Variants in LRIG1 observed in about 807,000 individuals in gnomAD.
The protein encoded by LRIG1 is leucine-rich repeats and immunoglobulin-like domains protein 1.
In LRIG1, 48 loss-of-function variants were observed where a neutral mutation model predicts 99.2. That is an observed-to-expected ratio of 0.48 (90% CI 0.38 to 0.62). The LOEUF is 0.62. Ranked by LOEUF, LRIG1 falls within the 20% of genes least tolerant of loss-of-function variation. The pLI, the probability that LRIG1 is intolerant of heterozygous loss-of-function variation, is 0.00. For missense variants in LRIG1, 1,646 were observed against 1,434.4 expected (o/e 1.15, Z -2.38); for synonymous variants, 772 against 596.1 (o/e 1.29, Z -4.30).
chr3:66,439,575 T>TTA (rs1553720286), intron 3 of LRIG1, among the ~76,000 whole-genome samples: 140 of 151,016 alleles, frequency 9.3e-4, no homozygotes, highest in Admixed American at 5.3e-4. Flanking sequence ...TTTTTTTTTT[T>TTA]AAAAAGAGCC....
At chr3:66,470,209 T>C (rs550952522) in intron 1 of LRIG1, among the ~76,000 whole-genome samples, 64 of 152,278 alleles carry the variant, frequency 4.2e-4, no homozygotes, top group African/African-American at 1.5e-3. Flanking sequence ...CCACTCCTTA[T>C]TGTCTCACCC....
chr3:66,407,726 A>C (rs908448167), intron 7 of LRIG1, among the ~76,000 whole-genome samples: 9 of 152,244 alleles, frequency 5.9e-5, no homozygotes, highest in African/African-American at 2.2e-4. Flanking sequence ...GAATGGGTGC[A>C]TAGGTCACAG....
At chr3:66,403,926 A>C (rs1444956327) in intron 9 of LRIG1, among the ~76,000 whole-genome samples, 2 of 152,166 alleles carry the variant, frequency 1.3e-5, no homozygotes, top group Non-Finnish European at 2.9e-5. Context: ...TCTTCTTGCT[A>C]AGAAGGCCTC....
chr3:66,412,833 C>G (rs1292610787), intron 6 of LRIG1, 38 bp downstream of exon 6: 2 of 1,611,270 alleles, frequency 1.2e-6, no homozygotes, highest in African/African-American at 2.7e-5. Context: ...CACCGCACAG[C>G]AATCCTTAGC....
intron 3 of LRIG1, among the ~76,000 whole-genome samples, chr3:66,425,501 C>T (rs1387913721): frequency 6.6e-6 from 1 of 152,142 alleles, no homozygotes; most frequent in Non-Finnish European, 1.5e-5. Flanking sequence ...AAAGATCTGC[C>T]ATCGAGGGAG....
intron 1 of LRIG1, among the ~76,000 whole-genome samples, chr3:66,471,482 G>T (rs191213582): frequency 2.4e-4 from 36 of 152,232 alleles, no homozygotes; most frequent in Admixed American, 1.1e-3. Flanking sequence ...GGTGCTCCCT[G>T]CTCCCACTGA....
chr3:66,398,199 C>T lies in LRIG1; in HGVS notation c.1233-16G>A, dbSNP rs748347175. On this transcript the variant is annotated splice_polypyrimidine_tract_variant and intron_variant, in intron 10 of 18. Transcript: ENST00000273261. The stretch of plus-strand genomic sequence containing the variant: ...TCCAAGGTTCCTGAAACAGAACATA[C>T]ATTACTTATGCAAAGAAACCCTAGG... The T allele has an allele frequency of 1.2e-6, 2 of 1,608,180 alleles. No individual in the cohort carries two copies. The highest frequency in any genetic ancestry group is 1.7e-5 in the Admixed American group (1 of 59,972).
intron 12 of LRIG1, among the ~76,000 whole-genome samples, chr3:66,392,008 C>T (rs1308762822): frequency 6.6e-6 from 1 of 152,170 alleles, no homozygotes; most frequent in African/African-American, 2.4e-5. Flanking sequence ...ATCTCTACCT[C>T]CACAGATTTC....
chr3:66,488,487 A>T (rs1390837569), intron 1 of LRIG1, among the ~76,000 whole-genome samples: 1 of 150,458 alleles, frequency 6.6e-6, no homozygotes, highest in African/African-American at 2.4e-5. Flanking sequence ...AAAAAAAAAA[A>T]TTAGCCTGGC....
intron 1 of LRIG1, among the ~76,000 whole-genome samples, chr3:66,462,866 A>AT (rs986156592): frequency 6.6e-6 from 1 of 152,094 alleles, no homozygotes; most frequent in Non-Finnish European, 1.5e-5. Context: ...TCTTAACGGC[A>AT]TTTTTTTAAA....
At chr3:66,456,774 G>A (rs1700231432) in intron 2 of LRIG1, among the ~76,000 whole-genome samples, 1 of 152,182 alleles carries the variant, frequency 6.6e-6, no homozygotes, top group Admixed American at 6.5e-5. Flanking sequence ...CACACTTGAG[G>A]CTTCCTTACC....
chr3:66,384,868 A>G (rs1307497394), intron 13 of LRIG1, among the ~76,000 whole-genome samples: 2 of 152,162 alleles, frequency 1.3e-5, no homozygotes, highest in Non-Finnish European at 2.9e-5. Context: ...GCCACGTGTC[A>G]GGCACCACCA....
At chr3:66,430,912 A>G (rs917181949) in intron 3 of LRIG1, among the ~76,000 whole-genome samples, 8 of 151,918 alleles carry the variant, frequency 5.3e-5, no homozygotes, top group Admixed American at 2.0e-4. Flanking sequence ...GTATCAATAC[A>G]TCCCTATTTT....
Position 66,380,469 on chromosome 3 carries a change from C to T in LRIG1, c.3076G>A (p.Ala1026Thr). Residue 1026 changes from alanine to threonine, a missense_variant, in exon 19 of 19, where the codon GCA (alanine) becomes ACA (threonine). Ala to Thr is a moderately conservative substitution (Grantham distance 58). Transcript: ENST00000273261. ...GTGGAGTCCGGGTGATACAACCTTGCTAAAGTCCAGGAAGAATCCCCTACA... is the reference window on the plus strand; with the variant it reads ...GTGGAGTCCGGGTGATACAACCTTGTTAAAGTCCAGGAAGAATCCCCTACA... Reference protein sequence around the residue: ...DGKGDSSWTLARLYHPDSTEL... With the variant: ...DGKGDSSWTLTRLYHPDSTEL... 3 of 1,614,142 alleles carry T rather than the reference C, an allele frequency of 1.9e-6. No homozygotes were observed. Among genetic ancestry groups the T allele is most frequent in the Non-Finnish European group, 2.5e-6 (3 of 1,180,026 alleles).
intron 3 of LRIG1, among the ~76,000 whole-genome samples, chr3:66,438,249 C>T (rs1443909485): frequency 6.6e-6 from 1 of 152,200 alleles, no homozygotes; most frequent in African/African-American, 2.4e-5. Context: ...ATAGAGCACA[C>T]AGCTCAGCCG....
At chr3:66,475,694 C>G (rs1700706437) in intron 1 of LRIG1, among the ~76,000 whole-genome samples, 1 of 152,188 alleles carries the variant, frequency 6.6e-6, no homozygotes, top group Non-Finnish European at 1.5e-5. Flanking sequence ...CACATAAGCA[C>G]AGGGAGAAAA....
intron 1 of LRIG1, among the ~76,000 whole-genome samples, chr3:66,479,849 T>A (rs4856943): frequency 0.82 from 124,166 of 152,190 alleles, 53,874 homozygotes; most frequent in Non-Finnish European, 0.96. Flanking sequence ...TGCTGGTGGA[T>A]GTGCCACGTG....
intron 3 of LRIG1, among the ~76,000 whole-genome samples, chr3:66,430,392 A>G (rs897284484): frequency 2.6e-5 from 4 of 152,328 alleles, no homozygotes; most frequent in South Asian, 2.1e-4. Flanking sequence ...CCCACATTCA[A>G]TTGAACCCCA....
chr3:66,494,333 TGAC>T (rs1701180409), intron 1 of LRIG1, among the ~76,000 whole-genome samples: 1 of 152,188 alleles, frequency 6.6e-6, no homozygotes, highest in African/African-American at 2.4e-5. Flanking sequence ...CACTCCTTAA[TGAC>T]GAGTGTGAGT....
Sources: allele counts gnomAD v4.1 joint callset (sites outside exome capture counted in the v4.1 genomes callset), GRCh38; gene constraint gnomAD v4.1.1; transcripts MANE v1.5; gene names NCBI Gene and HGNC (gene_info 2026-07-23, HGNC 2026-07-21).